The following COL1A1 variants were observed in gnomAD, a reference collection of about 807,000 sequenced individuals.
COL1A1 encodes collagen alpha-1(I) chain.
COL1A1 carries 21 observed loss-of-function variants against 195.7 expected under a neutral mutation model. The ratio of observed to expected loss-of-function variants is 0.11; its 90% CI spans 0.08 to 0.15. The LOEUF (loss-of-function observed/expected upper bound fraction) is 0.15, where lower values mean the gene tolerates loss of function less well. Among genes scored for constraint, COL1A1 ranks in the 10% least tolerant of loss-of-function variants. COL1A1 has a pLI of 1.00. For missense variants in COL1A1, 1,365 were observed against 2,051.0 expected (o/e 0.67, Z 6.46); for synonymous variants, 749 against 747.3 (o/e 1.00, Z -0.04).
In COL1A1 at chr17:50,186,227, T is replaced by A; in HGVS notation, c.4005+90A>T. The A allele has an allele frequency of 6.4e-7, 1 of 1,573,044 alleles. No individual in the cohort carries two copies. The highest frequency in any genetic ancestry group is 8.7e-7 in the Non-Finnish European group (1 of 1,151,168). On this transcript the variant is annotated intron_variant, in intron 49 of 50. Transcript: ENST00000225964. The surrounding 1 kb of genome is among the most constrained non-coding windows in gnomAD (Gnocchi z 5.3). ...CCAGCCCAGCTCTGTCCATCACCCT[T>A]AGCAGAGACCTACTCCAGGACTTCA...
At position 50,186,550 on chromosome 17, in the gene COL1A1, G is replaced by C; in HGVS notation, c.3815-43C>G. On this transcript the variant is annotated intron_variant, in intron 48 of 50. Coordinates refer to ENST00000225964, the MANE Select transcript of COL1A1 (RefSeq NM_000088.4). The surrounding 1 kb of genome is among the most constrained non-coding windows in gnomAD (Gnocchi z 5.3). ...AAGATGGAGTCAGGGAAAGGGAGCA[G>C]CCAGCACCATATGGTAGGGGCACAT... 6.2e-7 allele frequency: 1 copy of C among 1,613,754 alleles called. No individual in the cohort carries two copies. Among genetic ancestry groups the C allele is most frequent in the Non-Finnish European group, 8.5e-7 (1 of 1,179,722 alleles).
chr17:50,191,623 C>G, intron 31 of COL1A1, 133 bp from the exon 32 acceptor site: 2 of 1,111,612 alleles, frequency 1.8e-6, no homozygotes, highest in Non-Finnish European at 2.7e-6. Context: ...TGAAAAGACT[C>G]ACAGCCCAGA....
In COL1A1 at chr17:50,190,211, C is replaced by T; in HGVS notation, c.2452-103G>A. ...GGCAGGAAGATGCTTGGGTGGGAAACAATCCCGTCTCCACCCTTCTCCCCT... is the reference window on the plus strand; with the variant it reads ...GGCAGGAAGATGCTTGGGTGGGAAATAATCCCGTCTCCACCCTTCTCCCCT... On this transcript the variant is annotated intron_variant, in intron 35 of 50. Coordinates refer to ENST00000225964, the MANE Select transcript of COL1A1 (RefSeq NM_000088.4). This position sits in a 1 kb window ranked among gnomAD's most constrained non-coding sequence, Gnocchi z 4.7. The T allele has an allele frequency of 3.1e-6, 4 of 1,284,744 alleles. 1 individual carries two copies. The South Asian group carries it at 3.6e-5, about 11-fold the overall frequency. The allele number at this position is 1,284,744 out of a possible 1,614,324, so 79.6% of individuals were successfully genotyped here.
rs1334664764 is a variant in COL1A1, at chr17:50,190,955, G to T, written c.2236-31C>A. Reference sequence around the variant, plus strand: ...GACATGGATAAGCTTGAGATTTCCAGTGTGGGGCAAGGAGGTGACCTATAG... The same window carrying T: ...GACATGGATAAGCTTGAGATTTCCATTGTGGGGCAAGGAGGTGACCTATAG... On this transcript the variant is annotated intron_variant, in intron 32 of 50. Coordinates refer to ENST00000225964, the MANE Select transcript of COL1A1 (RefSeq NM_000088.4). The surrounding 1 kb of genome is among the most constrained non-coding windows in gnomAD (Gnocchi z 4.7). 1 of 1,601,808 alleles carries T rather than the reference G, an allele frequency of 6.2e-7. No homozygotes were observed. Among genetic ancestry groups the T allele is most frequent in the Non-Finnish European group, 8.6e-7 (1 of 1,169,114 alleles).
Position 50,193,999 on chromosome 17 carries a change from G to A in COL1A1, c.1711C>T (p.Pro571Ser). The A allele has an allele frequency of 6.2e-7, 1 of 1,614,142 alleles. No homozygotes were observed. ...ACACCAGCCTGACCACGGGCACCAG[G>A]TGGGCCTGGGGGTCCGGGGCGACCA... ...QDGRPGPPGP[P>S]GARGQAGVMG... Residue 571 changes from proline (P) to serine (S), a missense_variant, in exon 25 of 51, where the codon CCT becomes TCT. Around this residue, in one of 5 missense-constraint regions of COL1A1, gnomAD observed 671 missense variants for 1,099.9 expected, o/e 0.61. Coordinates refer to ENST00000225964, the MANE Select transcript of COL1A1 (RefSeq NM_000088.4).
At chr17:50,192,204 C>T (rs1268119552) in intron 29 of COL1A1, 180 bp from the exon 30 acceptor site, 3 of 751,578 alleles carry the variant, frequency 4.0e-6, no homozygotes, top group East Asian at 5.4e-5. Context: ...TCAAAGGCTT[C>T]CCCCCTCCCC....
At position 50,190,218 on chromosome 17, in the gene COL1A1, G is replaced by A. The variant is rs1013246919; in HGVS notation, c.2451+109C>T. ...AGATGCTTGGGTGGGAAACAATCCC[G>A]TCTCCACCCTTCTCCCCTGAGGATG... On this transcript the variant is annotated intron_variant, in intron 35 of 50. Coordinates refer to ENST00000225964, the MANE Select transcript of COL1A1 (RefSeq NM_000088.4). This position sits in a 1 kb window ranked among gnomAD's most constrained non-coding sequence, Gnocchi z 4.7. The A allele has an allele frequency of 2.7e-5, 34 of 1,262,456 alleles. No individual in the cohort carries two copies. Among genetic ancestry groups the A allele is most frequent in the East Asian group, 2.5e-4 (11 of 43,164 alleles). The allele number at this position is 1,262,456 out of a possible 1,614,324, so 78.2% of individuals were successfully genotyped here.
At position 50,194,058 on chromosome 17, in the gene COL1A1, C is replaced by T. The variant is rs367662814; in HGVS notation, c.1669-17G>A. The T allele has an allele frequency of 3.0e-5, 48 of 1,612,496 alleles. No homozygotes were observed. The highest frequency in any genetic ancestry group is 6.7e-5 in the Admixed American group (4 of 59,946). On this transcript the variant is annotated splice_polypyrimidine_tract_variant and intron_variant, in intron 24 of 50. Transcript: ENST00000225964. The surrounding 1 kb of genome is among the most constrained non-coding windows in gnomAD (Gnocchi z 6.8). ...GGCGGGACCCTAAGGATGGGAGGCA[C>T]GAAAGCAGCAGTGAGGACAGCAGGG...
At chr17:50,196,984 G>A (rs1263807423) in intron 11 of COL1A1, 26 bp downstream of exon 11, 1 of 1,613,584 alleles carries the variant, frequency 6.2e-7, no homozygotes, top group Non-Finnish European at 8.5e-7. Flanking sequence ...GACTTGGGGA[G>A]CTTAAATGAC....
At chr17:50,199,704 AGG>A (rs1907908075) in intron 2 of COL1A1, 47 bp downstream of exon 2, 3 of 1,134 alleles carry the variant, frequency 2.6e-3, no homozygotes, top group African/African-American at 0.022. Context: ...CCCCAGCCCC[AGG>A]CCCCAGGCCC....
At chr17:50,193,604 C>G (rs1205727325) in intron 25 of COL1A1, 1 of 358,984 alleles carries the variant, frequency 2.8e-6, no homozygotes, top group Non-Finnish European at 5.4e-6. Flanking sequence ...GCCTCAGCCT[C>G]CTGACTAGCT....
In COL1A1 at chr17:50,190,840, G is replaced by C. The variant is rs1423591325; in HGVS notation, c.2320C>G (p.Pro774Ala). The C allele has an allele frequency of 1.2e-6, 2 of 1,613,486 alleles. No homozygotes were observed. Among genetic ancestry groups the C allele is most frequent in the Admixed American group, 3.3e-5 (2 of 59,998 alleles). Residue 774 changes from proline to alanine, a missense_variant, in exon 33 of 51, where the codon CCT becomes GCT. Physicochemically the swap from Pro to Ala is conservative, Grantham distance 27 (BLOSUM62 -1). Around this residue, in one of 5 missense-constraint regions of COL1A1, gnomAD observed 671 missense variants for 1,099.9 expected, o/e 0.61. Coordinates refer to ENST00000225964, the MANE Select transcript of COL1A1 (RefSeq NM_000088.4). The surrounding 1 kb of genome is among the most constrained non-coding windows in gnomAD (Gnocchi z 4.7). ...GLTGPIGPPG[P>A]AGAPGDKGES... Reference sequence around the variant, plus strand: ...ACCTTGTCACCAGGGGCACCAGCAGGGCCAGGAGGACCAATGGGGCCAGTC... The same window carrying C: ...ACCTTGTCACCAGGGGCACCAGCAGCGCCAGGAGGACCAATGGGGCCAGTC...
chr17:50,201,601 G>T lies in COL1A1; in HGVS notation c.-88C>A. The T allele has an allele frequency of 8.3e-7, 1 of 1,198,424 alleles. No individual in the cohort carries two copies. Among genetic ancestry groups the T allele is most frequent in the Admixed American group, 2.3e-5 (1 of 43,690 alleles). The allele number at this position is 1,198,424 out of a possible 1,614,324, so 74.2% of individuals were successfully genotyped here. A position where few individuals can be genotyped will look rare whatever the true frequency, so the allele number is the denominator to read the frequency against. On this transcript the variant is annotated 5_prime_UTR_variant, in exon 1 of 51. Coordinates refer to ENST00000225964, the MANE Select transcript of COL1A1 (RefSeq NM_000088.4). ...TGGCCTCACACTCCGCGTGCCTCCT[G>T]CTCCGACCCCGAGGAGAAACTCCCG...
intron 9 of COL1A1, 124 bp downstream of exon 9, chr17:50,197,608 C>A (rs1907706054): frequency 2.5e-6 from 2 of 787,052 alleles, no homozygotes; most frequent in Non-Finnish European, 4.3e-6. Flanking sequence ...GCAGTCCGTG[C>A]ATCAGAGAGG....
rs1345058301 is a variant in COL1A1, at chr17:50,186,265, G to A, written c.4005+52C>T. On this transcript the variant is annotated intron_variant, in intron 49 of 50. Coordinates refer to ENST00000225964, the MANE Select transcript of COL1A1 (RefSeq NM_000088.4). This position sits in a 1 kb window ranked among gnomAD's most constrained non-coding sequence, Gnocchi z 5.3. The stretch of plus-strand genomic sequence containing the variant: ...CTCCAGGACTTCATGTCCCTTCTGA[G>A]CACTGGGCTAGCCCATCTCCTAACA... The A allele has an allele frequency of 4.4e-6, 7 of 1,607,888 alleles. No homozygotes were observed. The highest frequency in any genetic ancestry group is 5.9e-6 in the Non-Finnish European group (7 of 1,176,504).
In COL1A1 at chr17:50,194,241, A is replaced by T; in HGVS notation, c.1615-58T>A. On this transcript the variant is annotated intron_variant, in intron 23 of 50. Coordinates refer to ENST00000225964, the MANE Select transcript of COL1A1 (RefSeq NM_000088.4). The surrounding 1 kb of genome is among the most constrained non-coding windows in gnomAD (Gnocchi z 6.8). The stretch of plus-strand genomic sequence containing the variant: ...GGGAGAAGCATGATGGAGGTGGGGG[A>T]GGACTCCAGAGGGCAGACCCTTGGG... The T allele has an allele frequency of 6.3e-7, 1 of 1,583,836 alleles. No individual in the cohort carries two copies. The highest frequency in any genetic ancestry group is 1.1e-5 in the South Asian group (1 of 90,422).
At position 50,190,582 on chromosome 17, in the gene COL1A1, G is replaced by A; in HGVS notation, c.2358C>T (p.Pro786=). 1 of 1,613,014 alleles carries A rather than the reference G, an allele frequency of 6.2e-7. No individual in the cohort carries two copies. Among genetic ancestry groups the A allele is most frequent in the Non-Finnish European group, 8.5e-7 (1 of 1,179,426 alleles). ...GAPGDKGESG[P]SGPAGPTGAR... ...CTCCAGTGGGACCAGCAGGGCCGCT[G>A]GGACCACTTTCACCCTGAGAGCAAG... The change falls in exon 34 of 51, where the codon CCC becomes CCT. Residue 786 remains proline (P), a synonymous_variant. Transcript: ENST00000225964. This position sits in a 1 kb window ranked among gnomAD's most constrained non-coding sequence, Gnocchi z 4.7.
At position 50,184,833 on chromosome 17, in the gene COL1A1, ACT is replaced by A. The variant is rs1432602911; in HGVS notation, c.*667_*668del. 1.3e-5 allele frequency: 3 copies of A among 229,972 alleles called. No homozygotes were observed. Among genetic ancestry groups the A allele is most frequent in the African/African-American group, 2.2e-5 (1 of 44,798 alleles). 14.2% of individuals were successfully genotyped at this position (229,972 alleles called of 1,614,324 possible). ...TTCTGCTTTGTCGTGGCCCTTCCTG[ACT>A]CTCCTCCGAACCCAGTGAGGGGCTG... On this transcript the variant is annotated 3_prime_UTR_variant, in exon 51 of 51. Transcript: ENST00000225964.
At chr17:50,192,400 A>G (rs1302187433) in intron 29 of COL1A1, 75 bp downstream of exon 29, 1 of 1,488,980 alleles carries the variant, frequency 6.7e-7, no homozygotes, top group East Asian at 2.5e-5. Context: ...TGGCTGTCTG[A>G]TTAGCTAGGA....
Sources: gnomAD v4.1 joint callset for allele counts on GRCh38, gnomAD v4.1.1 for gene constraint, gnomAD v4.1.1 regional missense constraint, Gnocchi (gnomAD v3.1) non-coding constraint, MANE v1.5 for transcripts, NCBI Gene and HGNC (gene_info 2026-07-23, HGNC 2026-07-21) for gene names.